SYNE1: variants seen among roughly 807,000 people sequenced by gnomAD.
The protein encoded by SYNE1 is spectrin repeat containing nuclear envelope protein 1, also known as nesprin-1.
In SYNE1, 616 loss-of-function variants were observed where a neutral mutation model predicts 1,111.0. The ratio of observed to expected loss-of-function variants is 0.55; its 90% CI spans 0.52 to 0.59. The LOEUF is 0.59. Ranked by LOEUF, SYNE1 falls within the 20% of genes least tolerant of loss-of-function variation. The pLI, the probability that SYNE1 is intolerant of heterozygous loss-of-function variation, is 0.00. For missense variants in SYNE1, 10,006 were observed against 10,417.0 expected, an observed-to-expected ratio of 0.96 and a Z score of 1.72; for synonymous variants, 3,855 against 3,825.8, an observed-to-expected ratio of 1.01 and a Z score of -0.28.
chr6:152,190,278 C>T (rs912896226), intron 127 of SYNE1, among the ~76,000 whole-genome samples: 3 of 152,154 alleles, frequency 2.0e-5, no homozygotes, highest in African/African-American at 7.2e-5. Context: ...CCATCTCTAA[C>T]TCTAGTCCTC....
chr6:152,311,106 A>G (rs1432210407), intron 87 of SYNE1: 9 of 562,182 alleles, frequency 1.6e-5, no homozygotes, highest in Non-Finnish European at 2.9e-5. Flanking sequence ...CACATGTCAT[A>G]CTACGTGTGG....
chr6:152,236,831 T>C lies in SYNE1; in HGVS notation c.20185A>G (p.Ile6729Val). The C allele has an allele frequency of 2.5e-6, 4 of 1,614,210 alleles. No individual in the cohort carries two copies. The highest frequency in any genetic ancestry group is 2.2e-5 in the East Asian group (1 of 44,890). Residue 6729 changes from isoleucine (I) to valine (V), a missense_variant, in exon 109 of 146, where the codon ATA becomes GTA. Transcript: ENST00000367255. ...EENEDRLIDRITLYQHLKSSL... is the reference protein window; with the variant it reads ...EENEDRLIDRVTLYQHLKSSL... Reference sequence around the variant, plus strand: ...GTAACACCAACCTGGTAGAGTGTTATGCGGTCAATAAGCCTGTCCTCGTTC... The same window carrying C: ...GTAACACCAACCTGGTAGAGTGTTACGCGGTCAATAAGCCTGTCCTCGTTC...
chr6:152,626,978 A>G lies in SYNE1; in HGVS notation c.67+1287T>C, dbSNP rs533937833. 2.0e-5 allele frequency among the ~76,000 whole-genome samples: 3 copies of G among 152,324 alleles called. No individual in the cohort carries two copies. In the East Asian group the frequency reaches 5.8e-4, roughly 29 times the overall value. Reference sequence around the variant, plus strand: ...AAGAAAGTGGGTCTGTGACAAATTAATATCATTGATACTGTGCAAACCCAC... The same window carrying G: ...AAGAAAGTGGGTCTGTGACAAATTAGTATCATTGATACTGTGCAAACCCAC... On this transcript the variant is annotated intron_variant, in intron 3 of 145. Transcript: ENST00000367255.
At chr6:152,125,606 A>G (rs2053125659) in intron 145 of SYNE1, 1 of 395,620 alleles carries the variant, frequency 2.5e-6, no homozygotes, top group East Asian at 3.8e-5. Context: ...CCTGGCAACC[A>G]ACACTCAACA....
intron 93 of SYNE1, among the ~76,000 whole-genome samples, chr6:152,297,286 G>A (rs1199439690): frequency 6.6e-6 from 1 of 151,984 alleles, no homozygotes; most frequent in Non-Finnish European, 1.5e-5. Flanking sequence ...CATCTCACAC[G>A]ACCCAACTGC....
chr6:152,395,907 C>T (rs1409792022), intron 50 of SYNE1, among the ~76,000 whole-genome samples: 1 of 152,164 alleles, frequency 6.6e-6, no homozygotes, highest in East Asian at 1.9e-4. Context: ...ATCATCTCAC[C>T]TAGCTGAACT....
chr6:152,365,073 C>T, intron 62 of SYNE1, 54 bp from the exon 63 acceptor site: 1 of 1,601,668 alleles, frequency 6.2e-7, no homozygotes, highest in Non-Finnish European at 8.5e-7. Context: ...ACATTGCTGG[C>T]TTTAAATATT....
chr6:152,133,137 A>T, intron 143 of SYNE1, 139 bp downstream of exon 143: 1 of 813,184 alleles, frequency 1.2e-6, no homozygotes, highest in Non-Finnish European at 2.1e-6. Context: ...TTGAGACAGG[A>T]CTTGTAAGAG....
chr6:152,244,488 C>A (rs1248333948), intron 106 of SYNE1, 49 bp downstream of exon 106: 2 of 1,613,160 alleles, frequency 1.2e-6, no homozygotes, highest in Non-Finnish European at 1.7e-6. Flanking sequence ...TTCTAGACTT[C>A]AAGTTTGATG....
chr6:152,477,556 A>G (rs1322828169), intron 14 of SYNE1, among the ~76,000 whole-genome samples: 1 of 152,172 alleles, frequency 6.6e-6, no homozygotes, highest in Non-Finnish European at 1.5e-5. Flanking sequence ...TGACAACCCT[A>G]TTTAAAATTG....
chr6:152,352,488 C>A, intron 69 of SYNE1, 135 bp from the exon 70 acceptor site: 2 of 897,768 alleles, frequency 2.2e-6, no homozygotes, highest in Non-Finnish European at 3.4e-6. Flanking sequence ...CTGCAACTTC[C>A]GCCTCCTGGG....
At chr6:152,604,812 G>A (rs1442419412) in intron 3 of SYNE1, among the ~76,000 whole-genome samples, 2 of 150,304 alleles carry the variant, frequency 1.3e-5, no homozygotes, top group Non-Finnish European at 3.0e-5. Flanking sequence ...AAAATAGCTG[G>A]GTGTGGTGGT....
At chr6:152,230,511 G>C (rs748661807) in intron 115 of SYNE1, 36 bp downstream of exon 115, 4 of 1,605,650 alleles carry the variant, frequency 2.5e-6, no homozygotes, top group Non-Finnish European at 2.6e-6. Context: ...CTATGAAATT[G>C]TGAGATGGTG....
At chr6:152,624,986 C>A (rs1435810512) in intron 3 of SYNE1, among the ~76,000 whole-genome samples, 1 of 151,856 alleles carries the variant, frequency 6.6e-6, no homozygotes, top group Non-Finnish European at 1.5e-5. Flanking sequence ...ACAATGAAAC[C>A]CAAAAATGGG....
chr6:152,474,434 C>T (rs1450922665), intron 14 of SYNE1, among the ~76,000 whole-genome samples: 1 of 152,144 alleles, frequency 6.6e-6, no homozygotes, highest in African/African-American at 2.4e-5. Flanking sequence ...ATCTACACCA[C>T]TGCTGAGAGA....
At chr6:152,583,225 T>C (rs2099526398) in intron 3 of SYNE1, among the ~76,000 whole-genome samples, 1 of 152,188 alleles carries the variant, frequency 6.6e-6, no homozygotes, top group Non-Finnish European at 1.5e-5. Context: ...GTGTTGGGAC[T>C]TCTAGTGTGC....
At chr6:152,343,519 AT>A (rs2096577059) in intron 74 of SYNE1, among the ~76,000 whole-genome samples, 52 of 122,852 alleles carry the variant, frequency 4.2e-4, no homozygotes, top group African/African-American at 1.6e-3. Flanking sequence ...CTTTTATTTT[AT>A]TTTTTATTTT....
At chr6:152,553,055 C>A (rs976356220) in intron 3 of SYNE1, among the ~76,000 whole-genome samples, 1 of 152,088 alleles carries the variant, frequency 6.6e-6, no homozygotes, top group Non-Finnish European at 1.5e-5. Context: ...ATGTGGCAGG[C>A]ATATGTTGCA....
At chr6:152,488,582 G>C (rs1198355763) in intron 11 of SYNE1, 79 bp from the exon 12 acceptor site, 3 of 834,774 alleles carry the variant, frequency 3.6e-6, no homozygotes, top group South Asian at 2.9e-5. Flanking sequence ...ACTGATTCTA[G>C]AAGAGACTTA....
Sources: allele counts gnomAD v4.1 joint callset (sites outside exome capture counted in the v4.1 genomes callset), GRCh38; gene constraint gnomAD v4.1.1; transcripts MANE v1.5; gene names NCBI Gene and HGNC (gene_info 2026-07-23, HGNC 2026-07-21).